The following TTBK2 variants were observed in gnomAD, a reference collection of about 807,000 sequenced individuals.
TTBK2 encodes tau-tubulin kinase 2.
A neutral mutation model predicts 110.8 loss-of-function variants in TTBK2; 28 were observed. That is an observed-to-expected ratio of 0.25 (90% confidence interval 0.19 to 0.35). TTBK2 has a LOEUF of 0.35. TTBK2 is among the 10% of genes least tolerant of loss of function. The probability of loss-of-function intolerance (pLI) is 1.00; values close to 1 mark genes in which losing one functional copy is unlikely to be tolerated. For missense variants in TTBK2, 1,369 were observed against 1,500.3 expected (o/e 0.91, Z 1.45); for synonymous variants, 532 against 527.3 (o/e 1.01, Z -0.12).
intron 10 of TTBK2, among the ~76,000 whole-genome samples, chr15:42,789,961 A>G (rs529794994): frequency 6.6e-6 from 1 of 152,180 alleles, no homozygotes; most frequent in Non-Finnish European, 1.5e-5. Context: ...TGCTGCAGTG[A>G]ACACGAGAGT....
intron 1 of TTBK2, among the ~76,000 whole-genome samples, chr15:42,892,132 T>A (rs964854496): frequency 2.0e-5 from 3 of 152,192 alleles, no homozygotes; most frequent in African/African-American, 7.2e-5. Context: ...AAATCATACA[T>A]ACTATGCTCT....
intron 5 of TTBK2, among the ~76,000 whole-genome samples, chr15:42,829,670 G>A (rs1043144870): frequency 2.6e-4 from 40 of 152,228 alleles, no homozygotes; most frequent in African/African-American, 9.4e-4. Flanking sequence ...GAGTAGCTGG[G>A]ACTATGGGCA....
rs979628454 is a variant in TTBK2 at position 42,742,424 on chromosome 15, C to G, written c.*3371G>C. ...TGTTTTAAGGTTAAATTTTATATGA[C>G]CCAGTTTTCCTTCTTTGTTCACTAT... is the stretch of plus-strand genomic sequence containing the variant. On this transcript the variant is annotated 3_prime_UTR_variant, in exon 15 of 15. Transcript: ENST00000267890. 2 of 152,142 alleles carry G rather than the reference C, an allele frequency of 1.3e-5. No homozygotes were observed. Among genetic ancestry groups the G allele is most frequent in the African/African-American group, 4.8e-5 (2 of 41,416 alleles). The allele number at this position is 152,142 out of a possible 1,614,324, so 9.4% of individuals were successfully genotyped here. A position where few individuals can be genotyped will look rare whatever the true frequency, so the allele number is the denominator to read the frequency against.
intron 9 of TTBK2, among the ~76,000 whole-genome samples, chr15:42,800,475 T>A (rs1189287481): frequency 1.3e-5 from 2 of 152,108 alleles, no homozygotes; most frequent in Non-Finnish European, 2.9e-5. Context: ...TCAAAGAGAG[T>A]GTAGACCAAG....
chr15:42,904,418 TA>T (rs1402935174), intron 1 of TTBK2, among the ~76,000 whole-genome samples: 1 of 151,882 alleles, frequency 6.6e-6, no homozygotes, highest in Non-Finnish European at 1.5e-5. Flanking sequence ...AGATTTACAA[TA>T]AAAAAAATCT....
intron 1 of TTBK2, among the ~76,000 whole-genome samples, chr15:42,886,093 T>A (rs1287409667): frequency 6.6e-6 from 1 of 152,172 alleles, no homozygotes; most frequent in South Asian, 2.1e-4. Context: ...CAAATCTTTC[T>A]TCTTTCTGTC....
intron 9 of TTBK2, among the ~76,000 whole-genome samples, chr15:42,795,144 C>CA (rs1246776224): frequency 6.6e-6 from 1 of 151,752 alleles, no homozygotes; most frequent in African/African-American, 2.4e-5. Flanking sequence ...ATTTATTTGT[C>CA]AAAACAAAAC....
intron 13 of TTBK2, among the ~76,000 whole-genome samples, chr15:42,754,208 C>T (rs779362456): frequency 3.3e-5 from 5 of 151,580 alleles, no homozygotes; most frequent in Non-Finnish European, 5.9e-5. Flanking sequence ...CTCAGCCTCC[C>T]GAGTAGCTGG....
chr15:42,778,843 T>G (rs1890050934), intron 11 of TTBK2, among the ~76,000 whole-genome samples: 2 of 152,242 alleles, frequency 1.3e-5, no homozygotes, highest in South Asian at 4.2e-4. Context: ...AGATACAGAA[T>G]GGCTGTTATT....
At chr15:42,871,332 TA>T (rs1158284092) in intron 3 of TTBK2, 3 of 519,804 alleles carry the variant, frequency 5.8e-6, no homozygotes, top group African/African-American at 2.1e-5. Context: ...AACTCATTCA[TA>T]AAAGGTACTA....
At chr15:42,809,434 GT>G (rs1260854986) in intron 9 of TTBK2, among the ~76,000 whole-genome samples, 2 of 152,138 alleles carry the variant, frequency 1.3e-5, no homozygotes, top group Non-Finnish European at 2.9e-5. Context: ...TGTGATCAAA[GT>G]TTTTTACTGT....
At position 42,907,265 on chromosome 15, in the gene TTBK2, A is replaced by G. The variant is rs186764518; in HGVS notation, c.-68+13173T>C. ...TTAGTACAGCCACTATGGAGGCGCT[A>G]TAGAGGTTCCTCAAAAAAACTAAAA... On this transcript the variant is annotated intron_variant, in intron 1 of 14. Transcript: ENST00000267890. Among the ~76,000 whole-genome samples the G allele has an allele frequency of 3.9e-5, 6 of 152,294 alleles. No individual in the cohort carries two copies. The East Asian group carries it at 1.2e-3, about 29-fold the overall frequency.
chr15:42,903,412 T>C (rs759334990), intron 1 of TTBK2, among the ~76,000 whole-genome samples: 4 of 152,228 alleles, frequency 2.6e-5, no homozygotes, highest in Non-Finnish European at 4.4e-5. Context: ...TTAAAAATGC[T>C]TAAAAAGAAA....
At chr15:42,763,143 C>CATATATATATACACATAT (rs2062063829) in intron 13 of TTBK2, among the ~76,000 whole-genome samples, 27 of 51,164 alleles carry the variant, frequency 5.3e-4, no homozygotes, top group Non-Finnish European at 6.4e-4. Flanking sequence ...TATATACATA[C>CATATATATATACACATAT]ATATATATAT....
At chr15:42,868,866 T>A (rs1218667147) in intron 3 of TTBK2, among the ~76,000 whole-genome samples, 1 of 58,418 alleles carries the variant, frequency 1.7e-5, no homozygotes, top group Non-Finnish European at 2.8e-5. Context: ...GTCTCAAAAA[T>A]AAATAAATAA....
intron 1 of TTBK2, among the ~76,000 whole-genome samples, chr15:42,887,707 T>C (rs1263805057): frequency 6.6e-6 from 1 of 152,190 alleles, no homozygotes; most frequent in Non-Finnish European, 1.5e-5. Context: ...CAACCCATTA[T>C]TCTGTTCTAG....
intron 3 of TTBK2, among the ~76,000 whole-genome samples, chr15:42,854,363 A>T (rs1893846864): frequency 6.6e-6 from 1 of 152,256 alleles, no homozygotes; most frequent in Admixed American, 6.5e-5. Context: ...TGATAAAAAG[A>T]TACACTAAAT....
chr15:42,902,452 G>A (rs965909505), intron 1 of TTBK2, among the ~76,000 whole-genome samples: 8 of 151,998 alleles, frequency 5.3e-5, no homozygotes, highest in African/African-American at 1.7e-4. Flanking sequence ...CCCAGGAGGC[G>A]GAGATTGCGG....
chr15:42,913,131 C>CAAA (rs61404472), intron 1 of TTBK2, among the ~76,000 whole-genome samples: 1,193 of 30,744 alleles, frequency 0.039, 92 homozygotes, highest in African/African-American at 0.12. Context: ...GACTCCGTCT[C>CAAA]AAAAAAAAAA....
Sources: gnomAD v4.1 joint callset for allele counts (sites outside exome capture counted in the v4.1 genomes callset) on GRCh38, gnomAD v4.1.1 for gene constraint, MANE v1.5 for transcripts, NCBI Gene and HGNC (gene_info 2026-07-23, HGNC 2026-07-21) for gene names.